DOCK1: variants seen among roughly 807,000 people sequenced by gnomAD.
DOCK1 encodes the protein dedicator of cytokinesis protein 1.
DOCK1 carries 138 observed loss-of-function variants against 262.7 expected under a neutral mutation model. The ratio of observed to expected loss-of-function variants is 0.53; its 90% CI spans 0.46 to 0.61. The LOEUF (loss-of-function observed/expected upper bound fraction) is 0.61, where lower values mean the gene tolerates loss of function less well. Among genes scored for constraint, DOCK1 ranks in the 20% least tolerant of loss-of-function variants. The probability of loss-of-function intolerance (pLI) is 0.00; values close to 1 mark genes in which losing one functional copy is unlikely to be tolerated. For missense variants in DOCK1, 1,908 were observed against 2,370.7 expected (o/e 0.80, Z 4.05); for synonymous variants, 866 against 867.4 (o/e 1.00, Z 0.03).
chr10:127,292,436 C>T (rs1483624939), intron 29 of DOCK1, among the ~76,000 whole-genome samples: 1 of 152,100 alleles, frequency 6.6e-6, no homozygotes, highest in Non-Finnish European at 1.5e-5. Flanking sequence ...GAGTGTGAAA[C>T]AGTACACGGA....
At chr10:127,415,315 C>A in intron 44 of DOCK1, 77 bp downstream of exon 44, 2 of 1,441,732 alleles carry the variant, frequency 1.4e-6, no homozygotes, top group South Asian at 1.3e-5. Flanking sequence ...TTCACCTGCT[C>A]ATGCCCCGTG....
At chr10:127,323,428 T>C (rs1426342020) in intron 29 of DOCK1, among the ~76,000 whole-genome samples, 1 of 152,188 alleles carries the variant, frequency 6.6e-6, no homozygotes, top group Non-Finnish European at 1.5e-5. Context: ...TTCAGCCAAT[T>C]GTGCTGAGGC....
chr10:126,997,358 G>T (rs537838498), intron 7 of DOCK1, among the ~76,000 whole-genome samples: 148 of 152,196 alleles, frequency 9.7e-4, no homozygotes, highest in African/African-American at 3.3e-3. Flanking sequence ...GGTTTAATTG[G>T]TTCATGGTTC....
chr10:127,064,796 G>A (rs977201735), intron 23 of DOCK1, among the ~76,000 whole-genome samples: 12 of 152,166 alleles, frequency 7.9e-5, no homozygotes, highest in Admixed American at 4.6e-4. Flanking sequence ...CCCGTTCAGT[G>A]GCATTAAGTA....
At chr10:127,351,664 C>G (rs536932908) in intron 31 of DOCK1, among the ~76,000 whole-genome samples, 34 of 152,268 alleles carry the variant, frequency 2.2e-4, no homozygotes, top group Admixed American at 1.9e-3. Context: ...GCCCGGGGTT[C>G]TGCTTCCAGG....
At chr10:127,380,727 G>A (rs1453708179) in intron 36 of DOCK1, among the ~76,000 whole-genome samples, 1 of 152,172 alleles carries the variant, frequency 6.6e-6, no homozygotes, top group Non-Finnish European at 1.5e-5. Context: ...GAGACTAGGA[G>A]AAGGATGTAA....
chr10:127,075,951 A>G (rs2046507756), intron 23 of DOCK1, among the ~76,000 whole-genome samples: 1 of 152,114 alleles, frequency 6.6e-6, no homozygotes, highest in South Asian at 2.1e-4. Flanking sequence ...TGGTTCACAA[A>G]ACTTTCTCTT....
At chr10:127,032,746 G>A (rs1279487942) in intron 18 of DOCK1, among the ~76,000 whole-genome samples, 1 of 151,992 alleles carries the variant, frequency 6.6e-6, no homozygotes, top group African/African-American at 2.4e-5. Context: ...TTATAGAGAT[G>A]AGGTCTCACT....
intron 1 of DOCK1, among the ~76,000 whole-genome samples, chr10:126,967,000 G>A (rs978532842): frequency 1.3e-5 from 2 of 152,180 alleles, no homozygotes; most frequent in African/African-American, 4.8e-5. Flanking sequence ...CTCGACCAGG[G>A]AGAATGTAGT....
rs181434244 is a variant in DOCK1, at chr10:127,013,215, C to T, written c.1201+841C>T. On this transcript the variant is annotated intron_variant, in intron 12 of 51. Transcript: ENST00000623213. ...AGCTTTCTTCTGGTGTGAACTACCC[C>T]CCTTTCTGGCAAACAGTAGCAGGAC... is the stretch of plus-strand genomic sequence containing the variant. 4.3e-3 allele frequency among the ~76,000 whole-genome samples: 651 copies of T among 152,274 alleles called. 1 individual carries two copies. Among genetic ancestry groups the T allele is most frequent in the South Asian group, 8.3e-3 (40 of 4,824 alleles).
rs145096510 is a variant in DOCK1 at position 127,442,668 on chromosome 10, G to A, written c.5260-1458G>A. Among the ~76,000 whole-genome samples the A allele has an allele frequency of 3.1e-3, 477 of 152,316 alleles. 7 individuals are homozygous for A. Among genetic ancestry groups the A allele is most frequent in the African/African-American group, 0.011 (456 of 41,570 alleles). On this transcript the variant is annotated intron_variant, in intron 49 of 51. Coordinates refer to ENST00000623213, the MANE Select transcript of DOCK1 (RefSeq NM_001290223.2). The stretch of plus-strand genomic sequence containing the variant: ...CCTGCCCAGTAATGACCTAGGATGA[G>A]AGAAGAAGCAAAGGAAAGGAATAGC...
intron 15 of DOCK1, 179 bp from the exon 16 acceptor site, chr10:127,026,173 A>T (rs2042846634): frequency 3.2e-6 from 2 of 624,898 alleles, no homozygotes; most frequent in South Asian, 3.9e-5. Flanking sequence ...ACAATATGAT[A>T]CAAAATTTTG....
intron 27 of DOCK1, among the ~76,000 whole-genome samples, chr10:127,228,651 C>A (rs988655209): frequency 6.6e-5 from 10 of 152,186 alleles, no homozygotes; most frequent in African/African-American, 2.4e-4. Flanking sequence ...GGAGCAGAAC[C>A]TTGTTACTGC....
intron 23 of DOCK1, among the ~76,000 whole-genome samples, chr10:127,076,326 C>G (rs2046545402): frequency 6.6e-6 from 1 of 152,094 alleles, no homozygotes; most frequent in Admixed American, 6.5e-5. Context: ...ACGGTGAAAC[C>G]CCGTCTCTAC....
intron 27 of DOCK1, among the ~76,000 whole-genome samples, chr10:127,166,345 G>A (rs975589041): frequency 2.0e-5 from 3 of 152,088 alleles, no homozygotes; most frequent in East Asian, 1.9e-4. Context: ...GATTACAGGC[G>A]TGAGCCACCG....
chr10:127,358,723 G>T (rs11017537), intron 32 of DOCK1, among the ~76,000 whole-genome samples: 40,073 of 152,124 alleles, frequency 0.26, 6,024 homozygotes, highest in African/African-American at 0.41. Context: ...CCTAATGGGT[G>T]TGGCCAGGTG....
intron 23 of DOCK1, among the ~76,000 whole-genome samples, chr10:127,095,639 C>T (rs2047861073): frequency 6.6e-6 from 1 of 151,118 alleles, no homozygotes; most frequent in African/African-American, 2.4e-5. Flanking sequence ...CCATCTGTGA[C>T]ACAACCACGT....
At chr10:127,254,600 T>C (rs2059767623) in intron 28 of DOCK1, among the ~76,000 whole-genome samples, 1 of 152,252 alleles carries the variant, frequency 6.6e-6, no homozygotes, top group Non-Finnish European at 1.5e-5. Context: ...TACCTCTTCC[T>C]ACCTTTGCAA....
chr10:127,152,122 C>T (rs1328513936), intron 27 of DOCK1, among the ~76,000 whole-genome samples: 2 of 152,062 alleles, frequency 1.3e-5, no homozygotes, highest in East Asian at 1.9e-4. Context: ...TGCTTGGTTG[C>T]GTTAAAGACG....
Sources: allele counts gnomAD v4.1 joint callset (sites outside exome capture counted in the v4.1 genomes callset), GRCh38; gene constraint gnomAD v4.1.1; transcripts MANE v1.5; gene names NCBI Gene and HGNC (gene_info 2026-07-23, HGNC 2026-07-21).